The following ATOSA variants were observed in gnomAD, a reference collection of about 807,000 sequenced individuals.
The protein encoded by ATOSA is atos homolog A.
At chr15:52,627,980 T>C in the ATOSA span, among the ~76,000 whole-genome samples, 1 of 152,168 alleles carries the variant, frequency 6.6e-6, no homozygotes, top group Non-Finnish European at 1.5e-5. Flanking sequence ...AGGAAAAGCT[T>C]TGGCTAATTC....
At chr15:52,660,137 T>TA in the ATOSA span, among the ~76,000 whole-genome samples, 3 of 152,332 alleles carry the variant, frequency 2.0e-5, no homozygotes, top group Admixed American at 6.5e-5. Flanking sequence ...TCTTAGAACT[T>TA]ACATAGTAGT....
chr15:52,632,626 T>C, the ATOSA span, among the ~76,000 whole-genome samples: 34 of 152,344 alleles, frequency 2.2e-4, no homozygotes, highest in African/African-American at 8.2e-4. Context: ...TAATTAGTTT[T>C]CGGTTAGTAT....
At chr15:52,703,687 T>C in the ATOSA span, among the ~76,000 whole-genome samples, 2,522 of 150,660 alleles carry the variant, frequency 0.017, 71 homozygotes, top group African/African-American at 0.059. Flanking sequence ...CACCGGGGCC[T>C]GTTAGGGGGT....
chr15:52,613,046 A>T, the ATOSA span, among the ~76,000 whole-genome samples: 6 of 152,162 alleles, frequency 3.9e-5, no homozygotes, highest in African/African-American at 1.4e-4. Context: ...ATAACAACAC[A>T]AAGTGGATGA....
the ATOSA span, among the ~76,000 whole-genome samples, chr15:52,584,233 C>T: frequency 2.0e-5 from 3 of 151,044 alleles, no homozygotes; most frequent in South Asian, 6.3e-4. Context: ...CAACCTCCAC[C>T]TCCCGGGTTC....
chr15:52,598,072 C>T, the ATOSA span, among the ~76,000 whole-genome samples: 1 of 152,044 alleles, frequency 6.6e-6, no homozygotes. Context: ...TGCAGTGAGC[C>T]AAGGTTGCAC....
chr15:52,593,508 T>C, the ATOSA span: 1 of 1,413,600 alleles, frequency 7.1e-7, no homozygotes, highest in Non-Finnish European at 9.6e-7. Flanking sequence ...AAGTACTGCA[T>C]CAAAGCACTT....
the ATOSA span, chr15:52,586,772 T>G: frequency 6.2e-6 from 1 of 162,086 alleles, no homozygotes; most frequent in Non-Finnish European, 1.3e-5. Context: ...AAAATAATTT[T>G]GTTTCCCAAG....
At chr15:52,609,274 C>G in the ATOSA span, 1 of 1,613,830 alleles carries the variant, frequency 6.2e-7, no homozygotes, top group South Asian at 1.1e-5. Flanking sequence ...TAACAAGGAA[C>G]ATTTTGTGTG....
chr15:52,642,768 A>G, the ATOSA span, among the ~76,000 whole-genome samples: 1 of 152,188 alleles, frequency 6.6e-6, no homozygotes, highest in Non-Finnish European at 1.5e-5. Context: ...AGAACGCTGG[A>G]TGCATAAAGG....
chr15:52,639,167 T>C, the ATOSA span, among the ~76,000 whole-genome samples: 1,785 of 152,076 alleles, frequency 0.012, 30 homozygotes, highest in African/African-American at 0.041. Flanking sequence ...CTGATAAGTA[T>C]GAATATACTT....
At chr15:52,611,120 C>CT in the ATOSA span, 1 of 1,602,418 alleles carries the variant, frequency 6.2e-7, no homozygotes, top group Admixed American at 1.8e-5. Context: ...TTTTTTGGCC[C>CT]TAGACATACC....
At chr15:52,682,372 G>A in the ATOSA span, among the ~76,000 whole-genome samples, 1 of 152,098 alleles carries the variant, frequency 6.6e-6, no homozygotes, top group Non-Finnish European at 1.5e-5. Flanking sequence ...AAGATGAGGT[G>A]GATTATTAGG....
At chr15:52,592,381 C>T in the ATOSA span, among the ~76,000 whole-genome samples, 1 of 152,146 alleles carries the variant, frequency 6.6e-6, no homozygotes, top group South Asian at 2.1e-4. Flanking sequence ...CAACTTTTTA[C>T]AGACCTGCAT....
chr15:52,630,942 G>T, the ATOSA span, among the ~76,000 whole-genome samples: 3 of 152,264 alleles, frequency 2.0e-5, no homozygotes, highest in Admixed American at 2.0e-4. Flanking sequence ...AAACAACATA[G>T]TTTATGGTTA....
the ATOSA span, among the ~76,000 whole-genome samples, chr15:52,585,535 T>G: frequency 6.6e-6 from 1 of 152,116 alleles, no homozygotes; most frequent in Admixed American, 6.6e-5. Flanking sequence ...AAAACAAAGC[T>G]CACTATTATT....
the ATOSA span, among the ~76,000 whole-genome samples, chr15:52,598,150 A>C: frequency 6.6e-6 from 1 of 152,098 alleles, no homozygotes; most frequent in African/African-American, 2.4e-5. Context: ...CAAACAAACA[A>C]AAATATATAT....
At chr15:52,651,759 G>C in the ATOSA span, 2 of 1,039,428 alleles carry the variant, frequency 1.9e-6, no homozygotes, top group Non-Finnish European at 2.8e-6. Context: ...AATTTTCCTA[G>C]ACCTATTTAT....
the ATOSA span, among the ~76,000 whole-genome samples, chr15:52,639,917 ATT>A: frequency 0.011 from 1,512 of 143,482 alleles, 25 homozygotes; most frequent in African/African-American, 0.037. Context: ...TACCCAGCTA[ATT>A]TTTTTTTTTT....
Sources: gnomAD v4.1 joint callset for allele counts (sites outside exome capture counted in the v4.1 genomes callset) on GRCh38, gnomAD v4.1.1 for gene constraint, MANE v1.5 for transcripts, NCBI Gene and HGNC (gene_info 2026-07-23, HGNC 2026-07-21) for gene names.